Variants in HS3ST5 observed in about 807,000 individuals in gnomAD.
HS3ST5 encodes the protein heparan sulfate-glucosamine 3-sulfotransferase 5, also known as heparan sulfate glucosamine 3-O-sulfotransferase 5.
Under a neutral mutation model 25.4 loss-of-function variants are expected in HS3ST5, and 10 were observed. That is an observed-to-expected ratio of 0.39 (90% confidence interval 0.24 to 0.67). HS3ST5 has a LOEUF of 0.67. Ranked by LOEUF, HS3ST5 falls within the 30% of genes least tolerant of loss-of-function variation. The pLI, the probability that HS3ST5 is intolerant of heterozygous loss-of-function variation, is 0.44. For missense variants in HS3ST5, 324 were observed against 420.7 expected (o/e 0.77, Z 2.01); for synonymous variants, 170 against 162.4 (o/e 1.05, Z -0.36).
rs749398780 is a variant in HS3ST5, at chr6:114,062,794, T to C, written c.52A>G (p.Ser18Gly). Reference sequence around the variant, plus strand: ...TACAGGAGACTCCCAACGGCAAGGCTTCCCAGCACCAGGAGCTTCTGTCTC... The same window carrying C: ...TACAGGAGACTCCCAACGGCAAGGCCTCCCAGCACCAGGAGCTTCTGTCTC... The part of the protein sequence containing the change: ...WLRQKLLVLG[S>G]LAVGSLLYLV... Residue 18 changes from serine (S) to glycine (G), a missense_variant, in exon 4 of 5, where the codon AGC (serine) becomes GGC (glycine). Around this residue, in one of 2 missense-constraint regions of HS3ST5, gnomAD observed 121 missense variants for 117.3 expected, o/e 1.03. Coordinates refer to ENST00000312719, the MANE Select transcript of HS3ST5 (RefSeq NM_153612.4). The C allele has an allele frequency of 1.2e-6, 2 of 1,614,040 alleles. No individual in the cohort carries two copies. The highest frequency in any genetic ancestry group is 1.7e-6 in the Non-Finnish European group (2 of 1,179,962).
chr6:114,127,076 C>T (rs539844853), intron 3 of HS3ST5, among the ~76,000 whole-genome samples: 12 of 152,056 alleles, frequency 7.9e-5, no homozygotes, highest in Non-Finnish European at 1.3e-4. Context: ...TTTAGTCCTG[C>T]GAGTTCTCCA....
At chr6:114,214,324 C>T (rs929047727) in intron 2 of HS3ST5, among the ~76,000 whole-genome samples, 23 of 152,288 alleles carry the variant, frequency 1.5e-4, no homozygotes, top group Middle Eastern at 3.4e-3. Context: ...TTTCCAGCAA[C>T]GTACTTTTTC....
chr6:114,091,473 C>T (rs1775113858), intron 3 of HS3ST5, among the ~76,000 whole-genome samples: 2 of 151,586 alleles, frequency 1.3e-5, no homozygotes, highest in Admixed American at 6.6e-5. Flanking sequence ...GTCAGGAGAG[C>T]GAGACCATCC....
chr6:114,105,426 G>T (rs1456218393), intron 3 of HS3ST5, among the ~76,000 whole-genome samples: 1 of 152,038 alleles, frequency 6.6e-6, no homozygotes, highest in Non-Finnish European at 1.5e-5. Flanking sequence ...TATATGATTG[G>T]CAGGATAATT....
At chr6:114,194,177 A>G (rs999300169) in intron 2 of HS3ST5, among the ~76,000 whole-genome samples, 3 of 152,234 alleles carry the variant, frequency 2.0e-5, no homozygotes, top group Admixed American at 2.0e-4. Context: ...TTGAACACAG[A>G]TATCTTTTGC....
At chr6:114,290,393 A>T (rs1188822828) in intron 1 of HS3ST5, among the ~76,000 whole-genome samples, 1 of 152,168 alleles carries the variant, frequency 6.6e-6, no homozygotes, top group African/African-American at 2.4e-5. Context: ...TGGAGAATTC[A>T]GAACTTCTTT....
chr6:114,149,942 G>A (rs1384555994), intron 3 of HS3ST5, among the ~76,000 whole-genome samples: 3 of 152,138 alleles, frequency 2.0e-5, no homozygotes, highest in Admixed American at 2.0e-4. Flanking sequence ...GAAGAGACAG[G>A]CTTAAAAGAG....
intron 2 of HS3ST5, among the ~76,000 whole-genome samples, chr6:114,217,836 A>T (rs761018499): frequency 1.6e-4 from 24 of 152,194 alleles, no homozygotes; most frequent in Non-Finnish European, 3.5e-4. Context: ...GTATGTTATC[A>T]GAAAACTCAG....
At chr6:114,319,855 AT>A (rs1418052682) in intron 1 of HS3ST5, among the ~76,000 whole-genome samples, 2 of 151,926 alleles carry the variant, frequency 1.3e-5, no homozygotes, top group African/African-American at 4.8e-5. Context: ...ATCTGATACT[AT>A]TTTTTTGTTG....
intron 2 of HS3ST5, among the ~76,000 whole-genome samples, chr6:114,196,483 T>G (rs534995648): frequency 7.9e-5 from 12 of 152,282 alleles, no homozygotes; most frequent in African/African-American, 2.6e-4. Context: ...TTAGCTTACT[T>G]AATTTCTTTG....
chr6:114,172,681 G>A (rs759797032), intron 2 of HS3ST5, among the ~76,000 whole-genome samples: 10 of 152,214 alleles, frequency 6.6e-5, no homozygotes, highest in Non-Finnish European at 1.3e-4. Context: ...TGAGAAACTA[G>A]TTTGAGATTT....
intron 3 of HS3ST5, among the ~76,000 whole-genome samples, chr6:114,134,584 C>G (rs898296530): frequency 1.3e-5 from 2 of 152,102 alleles, no homozygotes; most frequent in Non-Finnish European, 2.9e-5. Flanking sequence ...CTAAGCCGCA[C>G]GTGGAATTGT....
chr6:114,097,210 A>G (rs1264376854), intron 3 of HS3ST5, among the ~76,000 whole-genome samples: 2 of 151,944 alleles, frequency 1.3e-5, no homozygotes, highest in Non-Finnish European at 2.9e-5. Context: ...TAGGTTGTTT[A>G]ACCTTATTCA....
intron 1 of HS3ST5, among the ~76,000 whole-genome samples, chr6:114,317,311 C>G (rs899380451): frequency 2.0e-5 from 3 of 152,108 alleles, no homozygotes; most frequent in Non-Finnish European, 1.5e-5. Flanking sequence ...TGTAGAAGTG[C>G]CCTTTTCCTC....
intron 3 of HS3ST5, among the ~76,000 whole-genome samples, chr6:114,076,835 C>T (rs57522583): frequency 1.3e-5 from 2 of 152,152 alleles, no homozygotes; most frequent in Non-Finnish European, 2.9e-5. Context: ...GGAAAATGGA[C>T]ACCATTTGTT....
At chr6:114,333,688 C>CA (rs1776496195) in intron 1 of HS3ST5, among the ~76,000 whole-genome samples, 1 of 151,900 alleles carries the variant, frequency 6.6e-6, no homozygotes, top group Admixed American at 6.6e-5. Context: ...CTCTGTCTCC[C>CA]AGGCTGGAGT....
chr6:114,257,890 C>T (rs2114655849), intron 1 of HS3ST5, among the ~76,000 whole-genome samples: 1 of 152,138 alleles, frequency 6.6e-6, no homozygotes, highest in East Asian at 1.9e-4. Context: ...GCATGTGCTA[C>T]CACACTTGGC....
chr6:114,174,792 A>AG (rs775498887), intron 2 of HS3ST5, among the ~76,000 whole-genome samples: 20 of 152,134 alleles, frequency 1.3e-4, no homozygotes, highest in Non-Finnish European at 2.5e-4. Flanking sequence ...CAAGAGATGG[A>AG]GACCATCCTG....
At chr6:114,089,671 T>G (rs191012814) in intron 3 of HS3ST5, among the ~76,000 whole-genome samples, 3 of 152,332 alleles carry the variant, frequency 2.0e-5, no homozygotes, top group Admixed American at 6.5e-5. Flanking sequence ...TCTTCTATAT[T>G]ATTTTCAAAT....
Sources: gnomAD v4.1 joint callset for allele counts (sites outside exome capture counted in the v4.1 genomes callset) on GRCh38, gnomAD v4.1.1 for gene constraint, gnomAD v4.1.1 regional missense constraint, MANE v1.5 for transcripts, NCBI Gene and HGNC (gene_info 2026-07-23, HGNC 2026-07-21) for gene names.